KAT7: variants seen among roughly 807,000 people sequenced by gnomAD.
KAT7 encodes the protein histone acetyltransferase KAT7.
KAT7 carries 10 observed loss-of-function variants against 82.1 expected under a neutral mutation model. The ratio of observed to expected loss-of-function variants is 0.12; its 90% CI spans 0.08 to 0.21. KAT7 has a LOEUF of 0.21. KAT7 is among the 10% of genes least tolerant of loss of function. The pLI, the probability that KAT7 is intolerant of heterozygous loss-of-function variation, is 1.00. For synonymous variants in KAT7, 250 were observed against 262.5 expected (o/e 0.95, Z 0.46); for missense variants, 378 against 760.9 (o/e 0.50, Z 5.92).
chr17:49,821,208 A>G (rs111799780), intron 9 of KAT7, 129 bp from the exon 10 acceptor site: 12 of 624,032 alleles, frequency 1.9e-5, no homozygotes, highest in Non-Finnish European at 3.4e-5. Flanking sequence ...GTTTTGCTGT[A>G]TGTTCTCAGC....
rs1460310862 is a variant in KAT7, at chr17:49,815,744, A to G, written c.853-59A>G. The G allele has an allele frequency of 3.9e-6, 4 of 1,013,420 alleles. No homozygotes were observed. The African/African-American group carries it at 6.4e-5, about 16-fold the overall frequency. The allele number at this position is 1,013,420 out of a possible 1,614,324, so 62.8% of individuals were successfully genotyped here. A position where few individuals can be genotyped will look rare whatever the true frequency, so the allele number is the denominator to read the frequency against. On this transcript the variant is annotated intron_variant, in intron 7 of 14. Transcript: ENST00000259021. ...GTTTGCATGGATTGAAATGAAATAG[A>G]TTAAAAAGTTCTTAGAAGCAGAGAG... is the stretch of plus-strand genomic sequence containing the variant.
At chr17:49,824,971 C>T (rs1449227504) in intron 12 of KAT7, among the ~76,000 whole-genome samples, 1 of 151,436 alleles carries the variant, frequency 6.6e-6, no homozygotes, top group East Asian at 1.9e-4. Context: ...ATTCAAATTT[C>T]CCTGGTGTGA....
At chr17:49,798,949 G>A (rs531156867) in intron 4 of KAT7, among the ~76,000 whole-genome samples, 1 of 152,296 alleles carries the variant, frequency 6.6e-6, no homozygotes, top group Non-Finnish European at 1.5e-5. Flanking sequence ...TAGCTGTTAA[G>A]GAAATGAGAA....
At chr17:49,825,155 C>T (rs1402451550) in intron 12 of KAT7, among the ~76,000 whole-genome samples, 3 of 151,942 alleles carry the variant, frequency 2.0e-5, no homozygotes, top group African/African-American at 4.8e-5. Context: ...AAAAGGGTTC[C>T]CCAGATTATG....
At chr17:49,793,499 TC>T (rs1690951019) in intron 2 of KAT7, among the ~76,000 whole-genome samples, 1 of 151,616 alleles carries the variant, frequency 6.6e-6, no homozygotes, top group Admixed American at 6.6e-5. Flanking sequence ...AAGCCGATGA[TC>T]AACAGGTGAT....
rs150520856 is a variant in KAT7 at position 49,827,283 on chromosome 17, AC to A, written c.1735-115del. On this transcript the variant is annotated intron_variant, in intron 14 of 14. Coordinates refer to ENST00000259021, the MANE Select transcript of KAT7 (RefSeq NM_007067.5). ...GTCAAAATATAGTATTTTTTTTGATACCCTAATATGTTGTTAAACCTTTGGC... is the reference window on the plus strand; with the variant it reads ...GTCAAAATATAGTATTTTTTTTGATACCTAATATGTTGTTAAACCTTTGGC... The A allele has an allele frequency of 1.6e-3, 992 of 639,892 alleles. 6 individuals carry two copies. In the African/African-American group the frequency reaches 0.017, roughly 11 times the overall value. The allele number at this position is 639,892 out of a possible 1,614,324, so 39.6% of individuals were successfully genotyped here.
intron 3 of KAT7, 82 bp from the exon 4 acceptor site, chr17:49,798,237 T>A: frequency 7.4e-7 from 1 of 1,346,558 alleles, no homozygotes; most frequent in Non-Finnish European, 1.0e-6. Context: ...AAAAAGAACC[T>A]GGGAAGCCCA....
At chr17:49,792,947 G>T (rs535436762) in intron 2 of KAT7, among the ~76,000 whole-genome samples, 1 of 152,164 alleles carries the variant, frequency 6.6e-6, no homozygotes, top group East Asian at 1.9e-4. Flanking sequence ...GAGTAGCTGG[G>T]ACTACAGGTG....
chr17:49,811,450 C>A (rs758659515), intron 6 of KAT7, 26 bp from the exon 7 acceptor site: 27 of 1,200,028 alleles, frequency 2.2e-5, no homozygotes, highest in Non-Finnish European at 3.2e-5. Flanking sequence ...GGAGTTTTCT[C>A]TCAGTTTTCT....
chr17:49,828,682 T>G lies in KAT7; in HGVS notation c.*1180T>G, dbSNP rs1260188561. 6 of 152,746 alleles carry G rather than the reference T, an allele frequency of 3.9e-5. No individual in the cohort carries two copies. Among genetic ancestry groups the G allele is most frequent in the Non-Finnish European group, 7.3e-5 (5 of 68,032 alleles). 9.5% of individuals were successfully genotyped at this position (152,746 alleles called of 1,614,324 possible). A position where few individuals can be genotyped will look rare whatever the true frequency, so the allele number is the denominator to read the frequency against. ...ATTCTCTGGTCTTCTATTTTTGGTGTTGTTCAAGTGAAGGAAGAGATGTTC... is the reference window on the plus strand; with the variant it reads ...ATTCTCTGGTCTTCTATTTTTGGTGGTGTTCAAGTGAAGGAAGAGATGTTC... On this transcript the variant is annotated 3_prime_UTR_variant, in exon 15 of 15. Coordinates refer to ENST00000259021, the MANE Select transcript of KAT7 (RefSeq NM_007067.5).
chr17:49,817,485 T>C (rs920326417), intron 8 of KAT7, among the ~76,000 whole-genome samples: 4 of 152,246 alleles, frequency 2.6e-5, no homozygotes, highest in Non-Finnish European at 5.9e-5. Flanking sequence ...TAATATTTAT[T>C]TTTTTAAAAA....
intron 12 of KAT7, 61 bp from the exon 13 acceptor site, chr17:49,825,939 T>G: frequency 6.5e-7 from 1 of 1,534,070 alleles, no homozygotes; most frequent in Non-Finnish European, 8.8e-7. Flanking sequence ...GGCACACAGT[T>G]TTTTGCTATT....
intron 1 of KAT7, among the ~76,000 whole-genome samples, chr17:49,790,256 G>T (rs915587014): frequency 6.6e-6 from 1 of 152,156 alleles, no homozygotes; most frequent in African/African-American, 2.4e-5. Context: ...GAGTGCGATG[G>T]CGTGATGTTG....
At chr17:49,796,534 G>T (rs1479477329) in intron 2 of KAT7, among the ~76,000 whole-genome samples, 1 of 152,172 alleles carries the variant, frequency 6.6e-6, no homozygotes, top group Non-Finnish European at 1.5e-5. Flanking sequence ...CCTAATTCCA[G>T]AACCTAAACT....
At chr17:49,825,503 C>T (rs2074357909) in intron 12 of KAT7, among the ~76,000 whole-genome samples, 1 of 152,162 alleles carries the variant, frequency 6.6e-6, no homozygotes, top group Non-Finnish European at 1.5e-5. Flanking sequence ...TCACTTTCTG[C>T]AGTTTCAATT....
intron 7 of KAT7, among the ~76,000 whole-genome samples, chr17:49,813,061 A>G (rs775604094): frequency 2.9e-4 from 41 of 139,684 alleles, no homozygotes; most frequent in Non-Finnish European, 5.4e-4. Flanking sequence ...AAGGGTGTAC[A>G]TGTGCAGGTT....
rs1326251418 is a variant in KAT7, at chr17:49,827,445, C to T, written c.1779C>T (p.Asn593=). 2.5e-6 allele frequency: 4 copies of T among 1,613,712 alleles called. No individual in the cohort carries two copies. Among genetic ancestry groups the T allele is most frequent in the Non-Finnish European group, 3.4e-6 (4 of 1,179,752 alleles). ...TAGCCAAAGAGGCCAAAAGGTCCAA[C>T]TCCAATAAAACCATGGATCCCAGCT... ...EWIAKEAKRS[N]SNKTMDPSCL... is the part of the protein sequence containing the mutation. Residue 593 remains asparagine (N), a synonymous_variant, in exon 15 of 15, where the codon AAC becomes AAT. Coordinates refer to ENST00000259021, the MANE Select transcript of KAT7 (RefSeq NM_007067.5).
chr17:49,808,016 C>T (rs2074113117), intron 5 of KAT7, among the ~76,000 whole-genome samples: 1 of 151,878 alleles, frequency 6.6e-6, no homozygotes, highest in Non-Finnish European at 1.5e-5. Flanking sequence ...TATCAGTTCC[C>T]AATTCCCAGA....
chr17:49,815,795 T>G lies in KAT7; in HGVS notation c.853-8T>G. On this transcript the variant is annotated splice_region_variant and splice_polypyrimidine_tract_variant and intron_variant, in intron 7 of 14. Coordinates refer to ENST00000259021, the MANE Select transcript of KAT7 (RefSeq NM_007067.5). ...TATCAGAGTATCACGCTCTGGTTAT[T>G]TTCCTAGGAACACAGACAGACCTAT... 1 of 1,559,216 alleles carries G rather than the reference T, an allele frequency of 6.4e-7. No individual in the cohort carries two copies. The highest frequency in any genetic ancestry group is 1.4e-5 in the African/African-American group (1 of 73,852).
Sources: gnomAD v4.1 joint callset for allele counts (sites outside exome capture counted in the v4.1 genomes callset) on GRCh38, gnomAD v4.1.1 for gene constraint, MANE v1.5 for transcripts, NCBI Gene and HGNC (gene_info 2026-07-23, HGNC 2026-07-21) for gene names.